The following NTRK3 variants were observed in gnomAD, a reference collection of about 807,000 sequenced individuals.
NTRK3 encodes the protein neurotrophic receptor tyrosine kinase 3, also known as NT-3 growth factor receptor.
A neutral mutation model predicts 91.7 loss-of-function variants in NTRK3; 24 were observed. That is an observed-to-expected ratio of 0.26 (90% CI 0.19 to 0.37). The LOEUF is 0.37. Among genes scored for constraint, NTRK3 ranks in the 10% least tolerant of loss-of-function variants. The pLI, the probability that NTRK3 is intolerant of heterozygous loss-of-function variation, is 1.00. For synonymous variants in NTRK3, 483 were observed against 404.0 expected, an observed-to-expected ratio of 1.20 and a Z score of -2.34; for missense variants, 880 against 1,068.9, an observed-to-expected ratio of 0.82 and a Z score of 2.46.
intron 13 of NTRK3, among the ~76,000 whole-genome samples, chr15:88,089,936 G>A (rs899532812): frequency 6.6e-6 from 1 of 152,140 alleles, no homozygotes; most frequent in Non-Finnish European, 1.5e-5. Flanking sequence ...TAAACTCACT[G>A]GCTTAATCTG....
At chr15:88,128,024 G>A (rs1352810229) in intron 11 of NTRK3, among the ~76,000 whole-genome samples, 8 of 152,150 alleles carry the variant, frequency 5.3e-5, no homozygotes, top group South Asian at 2.1e-4. Context: ...CCAGAAAGCC[G>A]AGGGTGTTTC....
At chr15:88,015,787 C>A (rs1010927037) in intron 14 of NTRK3, among the ~76,000 whole-genome samples, 1 of 152,134 alleles carries the variant, frequency 6.6e-6, no homozygotes, top group African/African-American at 2.4e-5. Flanking sequence ...CATCTTTGTA[C>A]TCAGTTTTTC....
chr15:88,102,015 T>C (rs1189000899), intron 13 of NTRK3, among the ~76,000 whole-genome samples: 1 of 151,726 alleles, frequency 6.6e-6, no homozygotes, highest in Non-Finnish European at 1.5e-5. Flanking sequence ...TAAAGTATAA[T>C]AATAATAAAA....
chr15:88,021,614 G>T (rs561354419), intron 14 of NTRK3, among the ~76,000 whole-genome samples: 2 of 151,654 alleles, frequency 1.3e-5, no homozygotes, highest in Admixed American at 1.3e-4. Context: ...ATGCCTATTC[G>T]TATCCTTCAG....
intron 15 of NTRK3, among the ~76,000 whole-genome samples, chr15:87,934,123 G>T (rs1408242813): frequency 6.6e-6 from 1 of 152,204 alleles, no homozygotes; most frequent in African/African-American, 2.4e-5. Flanking sequence ...TTAGGGCACT[G>T]CCATGGGCCC....
intron 3 of NTRK3, among the ~76,000 whole-genome samples, chr15:88,248,457 G>T (rs1294403851): frequency 1.3e-5 from 2 of 152,088 alleles, no homozygotes; most frequent in Non-Finnish European, 2.9e-5. Flanking sequence ...TAAACTAAAT[G>T]ATTCTCCTAG....
chr15:87,991,759 C>T (rs958125128), intron 14 of NTRK3, among the ~76,000 whole-genome samples: 1 of 152,136 alleles, frequency 6.6e-6, no homozygotes, highest in African/African-American at 2.4e-5. Flanking sequence ...TGGAATATCT[C>T]ATGAACACAT....
intron 13 of NTRK3, 105 bp from the exon 14 acceptor site, chr15:88,033,150 T>C: frequency 3.4e-6 from 3 of 891,190 alleles, no homozygotes; most frequent in South Asian, 3.3e-5. Context: ...ACAAACATTT[T>C]CTTTTTTTTA....
intron 13 of NTRK3, among the ~76,000 whole-genome samples, chr15:88,101,875 G>T (rs569943535): frequency 2.0e-5 from 3 of 152,228 alleles, no homozygotes; most frequent in African/African-American, 7.2e-5. Context: ...GTGGGGTGGG[G>T]GGAGTGGGGA....
At chr15:88,061,449 C>T (rs2142482838) in intron 13 of NTRK3, among the ~76,000 whole-genome samples, 1 of 152,344 alleles carries the variant, frequency 6.6e-6, no homozygotes, top group Non-Finnish European at 1.5e-5. Context: ...GGTGGGTCAG[C>T]CCGTGGCTGC....
chr15:88,152,703 C>A (rs151326003), intron 5 of NTRK3, among the ~76,000 whole-genome samples: 1 of 152,238 alleles, frequency 6.6e-6, no homozygotes, highest in Non-Finnish European at 1.5e-5. Flanking sequence ...GAGGCCTTAA[C>A]GGCCAAGTTG....
chr15:88,106,336 G>A (rs983553890), intron 13 of NTRK3, among the ~76,000 whole-genome samples: 2 of 152,230 alleles, frequency 1.3e-5, no homozygotes, highest in East Asian at 3.8e-4. Context: ...AGCAACCCTG[G>A]CCTGTGTCTT....
intron 13 of NTRK3, among the ~76,000 whole-genome samples, chr15:88,039,113 C>A (rs538370463): frequency 7.6e-6 from 1 of 132,352 alleles, no homozygotes; most frequent in Admixed American, 8.4e-5. Context: ...GTCTATTGAG[C>A]CCTCAACACA....
intron 13 of NTRK3, among the ~76,000 whole-genome samples, chr15:88,042,769 G>A (rs1457984210): frequency 1.3e-5 from 2 of 152,118 alleles, no homozygotes; most frequent in South Asian, 4.1e-4. Flanking sequence ...CCACAACCCT[G>A]GGGGTAGATC....
At chr15:88,048,093 G>A (rs1006212816) in intron 13 of NTRK3, among the ~76,000 whole-genome samples, 5 of 152,138 alleles carry the variant, frequency 3.3e-5, no homozygotes, top group South Asian at 4.1e-4. Context: ...AATATCATTT[G>A]ATGACAACGA....
chr15:88,045,890 C>A (rs2080139086), intron 13 of NTRK3, among the ~76,000 whole-genome samples: 1 of 152,228 alleles, frequency 6.6e-6, no homozygotes, highest in Non-Finnish European at 1.5e-5. Flanking sequence ...CAAATTAGAT[C>A]AAGGGCGCAC....
exon 19 of NTRK3, chr15:87,870,022 A>G (rs1027003485): frequency 2.1e-5 from 4 of 192,404 alleles, no homozygotes; most frequent in South Asian, 1.9e-4. Flanking sequence ...GTAATCCCGC[A>G]GCCCTATTAC....
chr15:88,087,336 G>A (rs557438020), intron 13 of NTRK3, among the ~76,000 whole-genome samples: 1 of 152,274 alleles, frequency 6.6e-6, no homozygotes, highest in Non-Finnish European at 1.5e-5. Context: ...GCGGCCCTGG[G>A]GGAGTGTCCG....
intron 13 of NTRK3, among the ~76,000 whole-genome samples, chr15:88,076,672 T>TAAAAAAAAAAAAAAAAAAAA (rs34053167): frequency 8.3e-6 from 1 of 120,412 alleles, no homozygotes. Flanking sequence ...TATACATATG[T>TAAAAAAAAAAAAAAAAAAAA]AAAAAAAAAA....
Sources: allele counts gnomAD v4.1 joint callset (sites outside exome capture counted in the v4.1 genomes callset), GRCh38; gene constraint gnomAD v4.1.1; transcripts MANE v1.5; gene names NCBI Gene and HGNC (gene_info 2026-07-23, HGNC 2026-07-21).